PRKG1: variants seen among roughly 807,000 people sequenced by gnomAD.
PRKG1 encodes protein kinase cGMP-dependent 1.
Under a neutral mutation model 88.1 loss-of-function variants are expected in PRKG1, and 35 were observed. The observed-to-expected ratio is 0.40, with a 90% CI of 0.30 to 0.53. The LOEUF (loss-of-function observed/expected upper bound fraction) is 0.53, where lower values mean the gene tolerates loss of function less well. PRKG1 is among the 20% of genes least tolerant of loss of function. PRKG1 has a pLI of 0.59. For synonymous variants in PRKG1, 303 were observed against 292.5 expected (o/e 1.04, Z -0.37); for missense variants, 540 against 839.8 (o/e 0.64, Z 4.41).
chr10:51,516,095 A>T (rs138846725), intron 3 of PRKG1, among the ~76,000 whole-genome samples: 1 of 152,178 alleles, frequency 6.6e-6, no homozygotes, highest in Admixed American at 6.5e-5. Flanking sequence ...CTGGTGCCCA[A>T]GAGGAATGGG....
At chr10:51,778,576 G>T (rs907528726) in intron 3 of PRKG1, among the ~76,000 whole-genome samples, 1 of 152,192 alleles carries the variant, frequency 6.6e-6, no homozygotes, top group Non-Finnish European at 1.5e-5. Flanking sequence ...TAATTTTAAA[G>T]AGTGAATTAT....
chr10:51,186,958 A>T (rs1377344512), intron 2 of PRKG1, among the ~76,000 whole-genome samples: 40 of 46,476 alleles, frequency 8.6e-4, no homozygotes, highest in Non-Finnish European at 2.1e-3. Flanking sequence ...CCTGTGTTAT[A>T]TATATATATA....
intron 2 of PRKG1, among the ~76,000 whole-genome samples, chr10:51,223,243 A>C (rs1268931488): frequency 1.3e-5 from 2 of 152,298 alleles, no homozygotes; most frequent in East Asian, 3.9e-4. Context: ...TTGTGTTTCA[A>C]GCAATCTAGG....
intron 1 of PRKG1, among the ~76,000 whole-genome samples, chr10:50,992,145 C>A (rs1432889360): frequency 3.9e-5 from 6 of 151,916 alleles, no homozygotes; most frequent in African/African-American, 1.5e-4. Flanking sequence ...GGGTTGGGCT[C>A]AACTTAGGGA....
At chr10:51,642,302 A>C (rs1260566784) in intron 3 of PRKG1, among the ~76,000 whole-genome samples, 5 of 152,166 alleles carry the variant, frequency 3.3e-5, no homozygotes, top group Non-Finnish European at 7.3e-5. Flanking sequence ...AGGCAGGAGA[A>C]TCACTTGAAG....
At chr10:51,472,323 G>A (rs1484134124) in intron 3 of PRKG1, among the ~76,000 whole-genome samples, 1 of 151,826 alleles carries the variant, frequency 6.6e-6, no homozygotes, top group Non-Finnish European at 1.5e-5. Context: ...TATTCAAACT[G>A]TATCAGAAAA....
At position 50,991,633 on chromosome 10, in the gene PRKG1, C is replaced by G; in HGVS notation, c.255C>G (p.Thr85=). The G allele has an allele frequency of 6.5e-7, 1 of 1,534,856 alleles. No individual in the cohort carries two copies. The highest frequency in any genetic ancestry group is 2.6e-5 in the East Asian group (1 of 38,528). ...TCCGACAGGCATTCCGGAAGTTCAC[C>G]AAGTCCGAAAGGTAGGCGCGGAGGC... The change falls in exon 1 of 18, where the codon ACC becomes ACG. Residue 85 remains threonine (T), a synonymous_variant. Coordinates refer to the PRKG1 transcript ENST00000401604. The surrounding 1 kb of genome is among the most constrained non-coding windows in gnomAD (Gnocchi z 4.5).
At chr10:52,193,552 AAAAAAAAAAAC>A (rs1350797031) in intron 9 of PRKG1, among the ~76,000 whole-genome samples, 316 of 34,852 alleles carry the variant, frequency 9.1e-3, no homozygotes, top group African/African-American at 0.017. Context: ...CTGTCTCAAA[AAAAAAAAAAAC>A]AAAAAAAAAA....
At chr10:51,178,408 G>A (rs1333093773) in intron 2 of PRKG1, among the ~76,000 whole-genome samples, 2 of 152,100 alleles carry the variant, frequency 1.3e-5, no homozygotes, top group East Asian at 1.9e-4. Context: ...GGAGACCAAC[G>A]CAGGCAGATC....
At chr10:51,757,941 G>A (rs2132521418) in intron 3 of PRKG1, among the ~76,000 whole-genome samples, 1 of 152,220 alleles carries the variant, frequency 6.6e-6, no homozygotes, top group East Asian at 1.9e-4. Context: ...ATCAGTTGCA[G>A]CCTAGGAGAT....
chr10:51,210,958 A>T (rs1435160728), intron 2 of PRKG1, among the ~76,000 whole-genome samples: 1 of 152,220 alleles, frequency 6.6e-6, no homozygotes, highest in Non-Finnish European at 1.5e-5. Context: ...TCCCAAACTC[A>T]TTTTATAAGG....
At chr10:51,648,603 T>C (rs1839970413) in intron 3 of PRKG1, among the ~76,000 whole-genome samples, 1 of 152,226 alleles carries the variant, frequency 6.6e-6, no homozygotes. Context: ...CATCTTTTCC[T>C]GCTGGACCTA....
intron 6 of PRKG1, 132 bp downstream of exon 6, chr10:52,054,693 G>A: frequency 1.5e-6 from 1 of 662,918 alleles, no homozygotes; most frequent in South Asian, 2.6e-5. Context: ...AGGTATTAGA[G>A]AATGGATCTT....
At chr10:50,992,102 G>A (rs1415144075) in intron 1 of PRKG1, among the ~76,000 whole-genome samples, 1 of 152,012 alleles carries the variant, frequency 6.6e-6, no homozygotes, top group East Asian at 2.0e-4. Flanking sequence ...GGCTGTCCGA[G>A]CCTCCTAGGG....
At chr10:51,036,202 T>G (rs1240295635) in intron 1 of PRKG1, among the ~76,000 whole-genome samples, 4 of 152,162 alleles carry the variant, frequency 2.6e-5, no homozygotes, top group Admixed American at 2.0e-4. Flanking sequence ...TTTTCCTCTT[T>G]TTCTCCTCAT....
At chr10:51,892,904 C>T (rs1028772200) in intron 4 of PRKG1, among the ~76,000 whole-genome samples, 5 of 152,128 alleles carry the variant, frequency 3.3e-5, no homozygotes, top group African/African-American at 1.2e-4. Context: ...TTAGTGCAGC[C>T]ATTAAATATT....
chr10:51,750,676 A>G (rs943114761), intron 3 of PRKG1, among the ~76,000 whole-genome samples: 4 of 152,212 alleles, frequency 2.6e-5, no homozygotes, highest in Admixed American at 6.5e-5. Context: ...GCTAACACAG[A>G]CTATGAGGCT....
intron 7 of PRKG1, among the ~76,000 whole-genome samples, chr10:52,133,068 C>T (rs1447531514): frequency 1.3e-5 from 2 of 151,848 alleles, no homozygotes; most frequent in African/African-American, 2.4e-5. Context: ...TTTTTGTACC[C>T]GTTAACCATG....
At chr10:51,118,589 T>C (rs190249747) in intron 1 of PRKG1, among the ~76,000 whole-genome samples, 97 of 152,286 alleles carry the variant, frequency 6.4e-4, no homozygotes, top group African/African-American at 2.3e-3. Flanking sequence ...CGATAATTTC[T>C]ACACTAACAC....
Sources: gnomAD v4.1 joint callset for allele counts (sites outside exome capture counted in the v4.1 genomes callset) on GRCh38, gnomAD v4.1.1 for gene constraint, Gnocchi (gnomAD v3.1) non-coding constraint, MANE v1.5 for transcripts, NCBI Gene and HGNC (gene_info 2026-07-23, HGNC 2026-07-21) for gene names.